RASSF8: variants seen among roughly 807,000 people sequenced by gnomAD.
RASSF8 encodes the protein ras association domain-containing protein 8.
Under a neutral mutation model 48.5 loss-of-function variants are expected in RASSF8, and 22 were observed. That is an observed-to-expected ratio of 0.45 (90% CI 0.32 to 0.65). RASSF8 has a LOEUF of 0.65. Ranked by LOEUF, RASSF8 falls within the 30% of genes least tolerant of loss-of-function variation. The pLI is 0.03. For missense variants in RASSF8, 418 were observed against 489.2 expected (o/e 0.85, Z 1.37); for synonymous variants, 127 against 171.5 (o/e 0.74, Z 2.03).
chr12:25,992,610 C>T (rs572697605), intron 1 of RASSF8, among the ~76,000 whole-genome samples: 17 of 151,954 alleles, frequency 1.1e-4, no homozygotes, highest in South Asian at 2.1e-4. Flanking sequence ...TGGTAAGGCC[C>T]GCACCTGGGA....
intron 5 of RASSF8, among the ~76,000 whole-genome samples, chr12:26,078,168 GC>G: frequency 6.6e-6 from 1 of 152,292 alleles, no homozygotes; most frequent in Admixed American, 6.5e-5. Flanking sequence ...CCAAATCCCT[GC>G]CCATGTGGAA....
intron 1 of RASSF8, among the ~76,000 whole-genome samples, chr12:25,984,125 G>A (rs1176078277): frequency 6.6e-6 from 1 of 150,382 alleles, no homozygotes; most frequent in South Asian, 2.1e-4. Flanking sequence ...GCAGTCGCAT[G>A]ATTATAGCTC....
downstream of RASSF8, among the ~76,000 whole-genome samples, chr12:26,074,666 A>G (rs529733684): frequency 3.3e-5 from 5 of 152,164 alleles, no homozygotes; most frequent in South Asian, 1.0e-3. Context: ...GATGATAGAG[A>G]TGACAACTTC....
At chr12:26,062,500 T>G (rs1407184717) in intron 3 of RASSF8, among the ~76,000 whole-genome samples, 1 of 152,232 alleles carries the variant, frequency 6.6e-6, no homozygotes, top group East Asian at 1.9e-4. Context: ...AAGGCAATAC[T>G]ACTCTTATCC....
At chr12:26,038,027 T>A (rs1943188040) in intron 2 of RASSF8, among the ~76,000 whole-genome samples, 1 of 152,184 alleles carries the variant, frequency 6.6e-6, no homozygotes, top group African/African-American at 2.4e-5. Flanking sequence ...TCCTCTTTGG[T>A]GTGTTGTCTT....
intron 2 of RASSF8, among the ~76,000 whole-genome samples, chr12:26,026,898 A>T (rs1000648991): frequency 6.6e-6 from 1 of 152,218 alleles, no homozygotes. Context: ...TCCTAATTAC[A>T]TACCCAAGTG....
chr12:26,041,723 G>C (rs1298710843), intron 2 of RASSF8, among the ~76,000 whole-genome samples: 1 of 151,980 alleles, frequency 6.6e-6, no homozygotes, highest in African/African-American at 2.4e-5. Flanking sequence ...GCCTAGATCA[G>C]TCTTAAAATG....
chr12:25,987,020 C>G (rs890189972), intron 1 of RASSF8, among the ~76,000 whole-genome samples: 3 of 135,896 alleles, frequency 2.2e-5, no homozygotes, highest in South Asian at 4.5e-4. Context: ...ACCGCAACCT[C>G]GCCTCCCGGG....
chr12:26,028,892 T>C (rs1942971415), intron 2 of RASSF8, among the ~76,000 whole-genome samples: 1 of 152,246 alleles, frequency 6.6e-6, no homozygotes, highest in African/African-American at 2.4e-5. Flanking sequence ...TGTTGAATTC[T>C]GGAGGAACCC....
At chr12:25,959,499 C>T (rs534138254) in intron 1 of RASSF8, 1 of 152,362 alleles carries the variant, frequency 6.6e-6, no homozygotes, top group South Asian at 2.1e-4. Flanking sequence ...ATATTTTTTC[C>T]TCCGGATGGA....
At chr12:26,049,972 GAC>G (rs1273359835) in intron 2 of RASSF8, among the ~76,000 whole-genome samples, 1 of 152,080 alleles carries the variant, frequency 6.6e-6, no homozygotes, top group Non-Finnish European at 1.5e-5. Flanking sequence ...TTTTAGTAGA[GAC>G]AGGGTTTCGT....
intron 1 of RASSF8, among the ~76,000 whole-genome samples, chr12:25,985,591 A>G (rs1425363143): frequency 1.3e-5 from 2 of 152,248 alleles, no homozygotes; most frequent in Non-Finnish European, 1.5e-5. Context: ...TAAATCGGCA[A>G]TTATCGAGGA....
chr12:26,000,716 C>T (rs1942234531), intron 2 of RASSF8, among the ~76,000 whole-genome samples: 1 of 152,126 alleles, frequency 6.6e-6, no homozygotes, highest in African/African-American at 2.4e-5. Context: ...GTACTGAATA[C>T]GGTAGGCAAT....
intron 2 of RASSF8, among the ~76,000 whole-genome samples, chr12:26,001,613 C>G (rs1942260232): frequency 6.6e-6 from 1 of 151,826 alleles, no homozygotes; most frequent in African/African-American, 2.4e-5. Flanking sequence ...CACATTTTAG[C>G]CTAGGTCTAC....
intron 2 of RASSF8, among the ~76,000 whole-genome samples, chr12:26,015,068 G>A (rs1329653368): frequency 6.6e-6 from 1 of 151,924 alleles, no homozygotes. Context: ...AATTAGCCAG[G>A]CATCATTGTG....
intron 1 of RASSF8, among the ~76,000 whole-genome samples, chr12:25,987,755 G>C (rs937892932): frequency 7.9e-5 from 12 of 151,996 alleles, no homozygotes; most frequent in African/African-American, 2.9e-4. Context: ...TATATTTTTT[G>C]CCTTTTAAAA....
At position 26,072,534 on chromosome 12, in the gene RASSF8, G is replaced by A. The variant is rs1944020943; in HGVS notation, c.*3716G>A. 1.0e-6 allele frequency: 1 copy of A among 981,340 alleles called. No individual in the cohort carries two copies. The highest frequency in any genetic ancestry group is 1.2e-6 in the Non-Finnish European group (1 of 826,286). The allele number at this position is 981,340 out of a possible 1,614,324, so 60.8% of individuals were successfully genotyped here. On this transcript the variant is annotated 3_prime_UTR_variant, in exon 6 of 6. Coordinates refer to ENST00000689635, the MANE Select transcript of RASSF8 (RefSeq NM_001394098.1). Reference sequence around the variant, plus strand: ...CAATAAAGTATATACATATATATGGGGGGAGGGGAAAGATTAAAAAATAGA... The same window carrying A: ...CAATAAAGTATATACATATATATGGAGGGAGGGGAAAGATTAAAAAATAGA...
At chr12:25,968,961 C>T (rs1941420906) in intron 1 of RASSF8, among the ~76,000 whole-genome samples, 1 of 152,214 alleles carries the variant, frequency 6.6e-6, no homozygotes, top group Admixed American at 6.5e-5. Flanking sequence ...AAGGAGCCAG[C>T]TCTCTGGCTG....
At chr12:25,997,876 G>A (rs1942168334) in intron 2 of RASSF8, among the ~76,000 whole-genome samples, 1 of 152,112 alleles carries the variant, frequency 6.6e-6, no homozygotes, top group African/African-American at 2.4e-5. Context: ...TAATTTGCAT[G>A]TTTCAGTGCT....
Sources: gnomAD v4.1 joint callset for allele counts (sites outside exome capture counted in the v4.1 genomes callset) on GRCh38, gnomAD v4.1.1 for gene constraint, MANE v1.5 for transcripts, NCBI Gene and HGNC (gene_info 2026-07-23, HGNC 2026-07-21) for gene names.